Variants in UTRN observed in about 807,000 individuals in gnomAD.
The protein encoded by UTRN is dystrophin-related protein 1.
Under a neutral mutation model 463.9 loss-of-function variants are expected in UTRN, and 283 were observed. The ratio of observed to expected loss-of-function variants is 0.61; its 90% CI spans 0.55 to 0.67. The LOEUF (loss-of-function observed/expected upper bound fraction) is 0.67. UTRN is among the 30% of genes least tolerant of loss of function. UTRN has a pLI of 0.00. For missense variants in UTRN, 3,922 were observed against 4,084.3 expected (o/e 0.96, Z 1.08); for synonymous variants, 1,442 against 1,431.5 (o/e 1.01, Z -0.17).
intron 2 of UTRN, among the ~76,000 whole-genome samples, chr6:144,335,045 A>G (rs1012565219): frequency 2.0e-5 from 3 of 152,258 alleles, no homozygotes; most frequent in Admixed American, 6.5e-5. Flanking sequence ...TTCCAGTACT[A>G]TAGTTCATTG....
At chr6:144,646,526 A>C (rs991056085) in intron 51 of UTRN, among the ~76,000 whole-genome samples, 1 of 152,192 alleles carries the variant, frequency 6.6e-6, no homozygotes, top group Admixed American at 6.5e-5. Context: ...GTTTAAAAAG[A>C]GAAAATATGT....
intron 2 of UTRN, among the ~76,000 whole-genome samples, chr6:144,307,301 A>G (rs1337906582): frequency 2.0e-5 from 3 of 152,268 alleles, no homozygotes; most frequent in East Asian, 3.9e-4. Flanking sequence ...ATATTACTCT[A>G]CCTAGCCTGA....
chr6:144,513,355 TC>T (rs1585076596), intron 35 of UTRN, among the ~76,000 whole-genome samples: 1 of 152,038 alleles, frequency 6.6e-6, no homozygotes, highest in South Asian at 2.1e-4. Flanking sequence ...GATCAAGACT[TC>T]CTGGCCAACA....
chr6:144,634,754 T>C (rs1244928068), intron 51 of UTRN, among the ~76,000 whole-genome samples: 1 of 152,204 alleles, frequency 6.6e-6, no homozygotes, highest in Non-Finnish European at 1.5e-5. Context: ...TTCATATAAA[T>C]AGAATCCTAC....
chr6:144,784,732 G>A (rs535011400), intron 61 of UTRN, among the ~76,000 whole-genome samples: 4 of 152,350 alleles, frequency 2.6e-5, no homozygotes, highest in Middle Eastern at 3.4e-3. Context: ...GGAGTTAAAT[G>A]TTGGCACAGT....
chr6:144,753,914 C>T (rs576102780), intron 56 of UTRN, among the ~76,000 whole-genome samples: 9 of 151,980 alleles, frequency 5.9e-5, no homozygotes, highest in Admixed American at 1.3e-4. Context: ...AAAAAAAATA[C>T]GAAGAGTACA....
rs554759240 is a variant in UTRN at position 144,727,955 on chromosome 6, C to T, written c.7810-2402C>T. On this transcript the variant is annotated intron_variant, in intron 53 of 74. Transcript: ENST00000367545. ...TCTCTATTAAAAGTAGAAAAATTAG[C>T]TGGGTGCAGTGGCAGGCACCTGTAA... Among the ~76,000 whole-genome samples the T allele has an allele frequency of 3.3e-5, 5 of 152,022 alleles. No individual in the cohort carries two copies. In the East Asian group the frequency reaches 7.8e-4, roughly 24 times the overall value.
intron 58 of UTRN, among the ~76,000 whole-genome samples, chr6:144,769,471 ATG>A (rs1420061027): frequency 4.6e-5 from 7 of 152,284 alleles, no homozygotes; most frequent in African/African-American, 1.4e-4. Context: ...TGTTTGCCAA[ATG>A]TGTGTGTTCC....
intron 18 of UTRN, 26 bp downstream of exon 18, chr6:144,451,519 C>G: frequency 6.3e-7 from 1 of 1,597,362 alleles, no homozygotes; most frequent in Non-Finnish European, 8.5e-7. Flanking sequence ...CACATATATC[C>G]TAGTGCATAA....
chr6:144,766,787 G>GGGGTGTGT (rs71028309), intron 58 of UTRN, among the ~76,000 whole-genome samples: 2 of 150,880 alleles, frequency 1.3e-5, no homozygotes, highest in African/African-American at 4.9e-5. Context: ...TTGAGGTAGG[G>GGGGTGTGT]GTGTGTGTGT....
intron 54 of UTRN, among the ~76,000 whole-genome samples, chr6:144,732,662 T>C (rs1436372537): frequency 1.0e-5 from 1 of 96,792 alleles, no homozygotes; most frequent in East Asian, 2.6e-4. Flanking sequence ...TGTCATGTTA[T>C]GTTATGTTAT....
chr6:144,851,234 A>C lies in UTRN; in HGVS notation c.*237A>C, dbSNP rs1782462417. 1 of 566,424 alleles carries C rather than the reference A, an allele frequency of 1.8e-6. No homozygotes were observed. Among genetic ancestry groups the C allele is most frequent in the Non-Finnish European group, 3.1e-6 (1 of 318,590 alleles). 35.1% of individuals were successfully genotyped at this position (566,424 alleles called of 1,614,324 possible). ...TTCTTCCCTTTCTATGCAAGTGTAAATTAATGAACAGAGAGGTATTTGGAA... is the reference window on the plus strand; with the variant it reads ...TTCTTCCCTTTCTATGCAAGTGTAACTTAATGAACAGAGAGGTATTTGGAA... On this transcript the variant is annotated 3_prime_UTR_variant, in exon 75 of 75. Coordinates refer to ENST00000367545, the MANE Select transcript of UTRN (RefSeq NM_007124.3).
At chr6:144,300,916 A>G (rs1395391645) in intron 2 of UTRN, among the ~76,000 whole-genome samples, 1 of 152,254 alleles carries the variant, frequency 6.6e-6, no homozygotes, top group Non-Finnish European at 1.5e-5. Flanking sequence ...CCAATTTCTT[A>G]AAGTGATTGT....
chr6:144,366,942 C>T (rs1209028363), intron 2 of UTRN, among the ~76,000 whole-genome samples: 1 of 152,046 alleles, frequency 6.6e-6, no homozygotes, highest in African/African-American at 2.4e-5. Context: ...AATAGCCATT[C>T]TGAGTGATGT....
At chr6:144,657,188 T>G (rs1322826074) in intron 51 of UTRN, among the ~76,000 whole-genome samples, 1 of 144,680 alleles carries the variant, frequency 6.9e-6, no homozygotes, top group Admixed American at 7.5e-5. Flanking sequence ...AGGTGGAGGT[T>G]GCGCTGAGCT....
At position 144,748,256 on chromosome 6, in the gene UTRN, T is replaced by C. The variant is rs1423751522; in HGVS notation, c.7950T>C (p.Pro2650=). Residue 2650 remains proline (P), a synonymous_variant, in exon 55 of 75, where the codon CCT becomes CCC. Coordinates refer to ENST00000367545, the MANE Select transcript of UTRN (RefSeq NM_007124.3). ...RNLQSKTELT[P]EERAQKIAKA... ...TTTTTTTAATCACAGAATTAACTCC[T>C]GAGGAGAGAGCCCAAAAGATTGCCA... 1 of 1,610,662 alleles carries C rather than the reference T, an allele frequency of 6.2e-7. No individual in the cohort carries two copies. Among genetic ancestry groups the C allele is most frequent in the Non-Finnish European group, 8.5e-7 (1 of 1,179,574 alleles).
intron 12 of UTRN, 143 bp downstream of exon 12, chr6:144,439,038 G>A (rs1338161132): frequency 9.1e-6 from 8 of 879,534 alleles, no homozygotes; most frequent in African/African-American, 5.1e-5. Context: ...TCACAGGGTG[G>A]AATTGATAGA....
At chr6:144,636,600 G>T (rs1777202056) in intron 51 of UTRN, among the ~76,000 whole-genome samples, 1 of 152,100 alleles carries the variant, frequency 6.6e-6, no homozygotes, top group East Asian at 1.9e-4. Flanking sequence ...TGATAATGAA[G>T]ATAACAAAGA....
chr6:144,572,393 A>G (rs1186384411), intron 50 of UTRN, among the ~76,000 whole-genome samples: 2 of 151,896 alleles, frequency 1.3e-5, no homozygotes, highest in African/African-American at 2.4e-5. Context: ...TTTTAAAAAA[A>G]TTTTTACTTT....
Sources: gnomAD v4.1 joint callset for allele counts (sites outside exome capture counted in the v4.1 genomes callset) on GRCh38, gnomAD v4.1.1 for gene constraint, MANE v1.5 for transcripts, NCBI Gene and HGNC (gene_info 2026-07-23, HGNC 2026-07-21) for gene names.